Variants in SLC39A11 observed in about 807,000 individuals in gnomAD.
SLC39A11 encodes the protein solute carrier family 39 member 11.
A neutral mutation model predicts 36.1 loss-of-function variants in SLC39A11; 33 were observed. The observed-to-expected ratio is 0.91, with a 90% CI of 0.69 to 1.22. The LOEUF (loss-of-function observed/expected upper bound fraction) is 1.22, where lower values mean the gene tolerates loss of function less well. Among genes scored for constraint, SLC39A11 ranks in the 50% most tolerant of loss-of-function variants. The pLI, the probability that SLC39A11 is intolerant of heterozygous loss-of-function variation, is 0.00. For synonymous variants in SLC39A11, 166 were observed against 170.3 expected, an observed-to-expected ratio of 0.97 and a Z score of 0.20; for missense variants, 432 against 430.3, an observed-to-expected ratio of 1.00 and a Z score of -0.03.
intron 2 of SLC39A11, among the ~76,000 whole-genome samples, chr17:73,088,050 A>T (rs1230115053): frequency 6.6e-6 from 1 of 152,180 alleles, no homozygotes; most frequent in Non-Finnish European, 1.5e-5. Context: ...CACACCTGCA[A>T]TCCCAGCACT....
chr17:72,651,442 G>C (rs1024025029), intron 7 of SLC39A11, among the ~76,000 whole-genome samples: 1 of 152,218 alleles, frequency 6.6e-6, no homozygotes, highest in African/African-American at 2.4e-5. Flanking sequence ...GGTGCTTACT[G>C]TATACAAGAT....
intron 6 of SLC39A11, among the ~76,000 whole-genome samples, chr17:72,786,637 C>G (rs1233024785): frequency 6.6e-6 from 1 of 151,522 alleles, no homozygotes; most frequent in Non-Finnish European, 1.5e-5. Context: ...AGGGAGTTCA[C>G]ACAGCAGCTT....
At chr17:72,863,511 C>A (rs1018131451) in intron 5 of SLC39A11, among the ~76,000 whole-genome samples, 2 of 152,190 alleles carry the variant, frequency 1.3e-5, no homozygotes, top group African/African-American at 4.8e-5. Flanking sequence ...AGTATGTGAG[C>A]AGGAACCCAA....
chr17:72,923,215 T>C (rs1386888271), intron 5 of SLC39A11, among the ~76,000 whole-genome samples: 2 of 152,146 alleles, frequency 1.3e-5, no homozygotes, highest in Middle Eastern at 3.2e-3. Context: ...TGTGTGGGGC[T>C]ATGGACCACC....
At chr17:72,669,443 G>T (rs554204599) in intron 7 of SLC39A11, among the ~76,000 whole-genome samples, 1 of 152,262 alleles carries the variant, frequency 6.6e-6, no homozygotes, top group Non-Finnish European at 1.5e-5. Flanking sequence ...GTGCTGGCCA[G>T]CTATTTTGTA....
Position 72,649,194 on chromosome 17 carries a change from C to T in SLC39A11, c.746G>A (p.Gly249Asp), listed in dbSNP as rs750406898. 1.9e-6 allele frequency: 3 copies of T among 1,614,174 alleles called. No individual in the cohort carries two copies. The Admixed American group carries it at 5.0e-5, about 27-fold the overall frequency. Residue 249 changes from glycine to aspartate, a missense_variant, in exon 8 of 10, where the codon GGC becomes GAC. Gly to Asp is a moderately conservative substitution (Grantham distance 94). Coordinates refer to ENST00000255559, the MANE Select transcript of SLC39A11 (RefSeq NM_139177.4). ...CCAGAAAGCTCTCCAGGTGGAGAAGCCTGCCCCTCGCAAGGGAAGGCTGAC... is the reference window on the plus strand; with the variant it reads ...CCAGAAAGCTCTCCAGGTGGAGAAGTCTGCCCCTCGCAAGGGAAGGCTGAC... ...LAVSLPLRGA[G>D]FSTWRAFWYG... is the part of the protein sequence containing the mutation.
chr17:72,799,037 T>G (rs1312001102), intron 6 of SLC39A11, among the ~76,000 whole-genome samples: 1 of 151,222 alleles, frequency 6.6e-6, no homozygotes, highest in African/African-American at 2.5e-5. Context: ...AGGTTTTGAC[T>G]TGTGCACTTG....
chr17:73,088,533 C>T lies in SLC39A11; in HGVS notation c.108+124G>A. On this transcript the variant is annotated intron_variant, in intron 2 of 9. Coordinates refer to ENST00000255559, the MANE Select transcript of SLC39A11 (RefSeq NM_139177.4). ...AGAAGACAGCGAACAAACCCCAGTA[C>T]ACAATGCCTGGGGGTGTGGCCAGGG... 7.0e-6 allele frequency: 5 copies of T among 712,590 alleles called. 1 individual carries two copies. Among genetic ancestry groups the T allele is most frequent in the East Asian group, 5.6e-5 (2 of 35,952 alleles). The allele number at this position is 712,590 out of a possible 1,614,324, so 44.1% of individuals were successfully genotyped here. A position where few individuals can be genotyped will look rare whatever the true frequency, so the allele number is the denominator to read the frequency against.
intron 4 of SLC39A11, among the ~76,000 whole-genome samples, chr17:73,002,959 A>G (rs914140301): frequency 4.6e-5 from 7 of 152,158 alleles, no homozygotes; most frequent in Admixed American, 1.3e-4. Context: ...GATTGTATTT[A>G]GGGCCCACCC....
chr17:72,870,013 C>CT (rs1198543006), intron 5 of SLC39A11, among the ~76,000 whole-genome samples: 11 of 151,124 alleles, frequency 7.3e-5, no homozygotes, highest in South Asian at 2.1e-4. Context: ...TTGCAGCTTG[C>CT]TTTTTTTTTC....
chr17:73,030,971 C>T (rs1471559588), intron 4 of SLC39A11, among the ~76,000 whole-genome samples: 1 of 152,208 alleles, frequency 6.6e-6, no homozygotes, highest in Non-Finnish European at 1.5e-5. Context: ...TCCCCAATTC[C>T]AGTGCATTTT....
chr17:72,941,089 C>T (rs1012412700), intron 5 of SLC39A11, among the ~76,000 whole-genome samples: 9 of 151,892 alleles, frequency 5.9e-5, no homozygotes, highest in Non-Finnish European at 8.8e-5. Flanking sequence ...CTGGGCAACA[C>T]GGCAAAATGC....
chr17:72,955,563 C>A (rs1434261332), intron 4 of SLC39A11, among the ~76,000 whole-genome samples: 1 of 151,286 alleles, frequency 6.6e-6, no homozygotes, highest in African/African-American at 2.4e-5. Flanking sequence ...TCCTCCGCAG[C>A]CTTCCAAAGT....
At chr17:72,956,539 A>T (rs1402599689) in intron 4 of SLC39A11, among the ~76,000 whole-genome samples, 1 of 152,218 alleles carries the variant, frequency 6.6e-6, no homozygotes, top group Non-Finnish European at 1.5e-5. Flanking sequence ...TTTCCTTAAA[A>T]CAGTAACAGA....
chr17:72,851,810 G>A (rs954501760), intron 5 of SLC39A11, among the ~76,000 whole-genome samples: 13 of 152,130 alleles, frequency 8.5e-5, no homozygotes, highest in South Asian at 8.3e-4. Context: ...AAAACACGGA[G>A]CTCTCTGAAT....
intron 3 of SLC39A11, 90 bp downstream of exon 3, chr17:73,084,718 G>C (rs143965174): frequency 4.0e-5 from 51 of 1,278,650 alleles, no homozygotes; most frequent in Admixed American, 2.9e-4. Flanking sequence ...CATCTAGGTC[G>C]CAAGGGGAGG....
intron 4 of SLC39A11, among the ~76,000 whole-genome samples, chr17:73,004,360 T>TG (rs1281425363): frequency 1.3e-5 from 2 of 152,172 alleles, no homozygotes; most frequent in Admixed American, 1.3e-4. Context: ...GACATGGCCT[T>TG]GCTCCTCGGC....
At chr17:72,717,004 C>T (rs2073417334) in intron 7 of SLC39A11, among the ~76,000 whole-genome samples, 3 of 145,478 alleles carry the variant, frequency 2.1e-5, no homozygotes, top group African/African-American at 7.7e-5. Context: ...CACACACACA[C>T]ACACACACAC....
At chr17:72,844,300 G>A (rs1327603057) in intron 6 of SLC39A11, among the ~76,000 whole-genome samples, 1 of 152,144 alleles carries the variant, frequency 6.6e-6, no homozygotes, top group Non-Finnish European at 1.5e-5. Context: ...GAGCCACAGT[G>A]GGTCTTTGGA....
Sources: allele counts gnomAD v4.1 joint callset (sites outside exome capture counted in the v4.1 genomes callset), GRCh38; gene constraint gnomAD v4.1.1; transcripts MANE v1.5; gene names NCBI Gene and HGNC (gene_info 2026-07-23, HGNC 2026-07-21).